Variants in ANO3 observed in about 807,000 individuals in gnomAD.
ANO3 encodes the protein anoctamin 3.
A neutral mutation model predicts 144.8 loss-of-function variants in ANO3; 99 were observed. The ratio of observed to expected loss-of-function variants is 0.68; its 90% CI spans 0.58 to 0.81. The LOEUF (loss-of-function observed/expected upper bound fraction) is 0.81. Ranked by LOEUF, ANO3 falls within the 30% of genes least tolerant of loss-of-function variation. The pLI is 0.00. For missense variants in ANO3, 905 were observed against 1,202.2 expected (o/e 0.75, Z 3.66); for synonymous variants, 414 against 392.6 (o/e 1.05, Z -0.64).
chr11:26,360,954 G>T (rs1564982323), intron 1 of ANO3, among the ~76,000 whole-genome samples: 1 of 152,122 alleles, frequency 6.6e-6, no homozygotes, highest in Non-Finnish European at 1.5e-5. Context: ...TTTTGAATTG[G>T]TTCTAGTTGC....
chr11:26,369,947 C>T (rs1157482878), intron 1 of ANO3, among the ~76,000 whole-genome samples: 5 of 152,170 alleles, frequency 3.3e-5, no homozygotes, highest in African/African-American at 1.2e-4. Context: ...AGCAGGTGAA[C>T]ATTCTTTTCC....
Position 26,598,999 on chromosome 11 carries a change from G to T in ANO3, c.1671+1G>T. 1 of 1,613,604 alleles carries T rather than the reference G, an allele frequency of 6.2e-7. No homozygotes were observed. The highest frequency in any genetic ancestry group is 8.5e-7 in the Non-Finnish European group (1 of 1,179,824). The stretch of plus-strand genomic sequence containing the variant: ...TTCTGTCTCAGGAATATTCTTCATG[G>T]TAAAGTATAGGCATCGATATCAAAA... On this transcript the variant is annotated splice_donor_variant, in intron 16 of 26. Transcript: ENST00000256737. LOFTEE classifies it high-confidence loss of function.
chr11:26,404,106 T>C (rs1857216531), intron 1 of ANO3, among the ~76,000 whole-genome samples: 1 of 151,842 alleles, frequency 6.6e-6, no homozygotes, highest in Admixed American at 6.6e-5. Flanking sequence ...GTGAACTACA[T>C]GAAGGAGGGA....
intron 5 of ANO3, among the ~76,000 whole-genome samples, chr11:26,510,330 C>T (rs1861615398): frequency 6.6e-6 from 1 of 152,046 alleles, no homozygotes. Flanking sequence ...TTAGTTGTCT[C>T]TTTATTATTC....
At chr11:26,530,559 A>G (rs1223242514) in intron 7 of ANO3, among the ~76,000 whole-genome samples, 1 of 151,374 alleles carries the variant, frequency 6.6e-6, no homozygotes, top group African/African-American at 2.4e-5. Flanking sequence ...TGCGCTTAAA[A>G]AAAAAAAAAC....
chr11:26,480,834 T>A (rs947883698), intron 4 of ANO3, among the ~76,000 whole-genome samples: 4 of 151,704 alleles, frequency 2.6e-5, no homozygotes, highest in Non-Finnish European at 5.9e-5. Flanking sequence ...AATAAATAAA[T>A]AAATAAAATA....
intron 6 of ANO3, among the ~76,000 whole-genome samples, chr11:26,519,683 T>C (rs760202547): frequency 2.0e-5 from 3 of 152,308 alleles, no homozygotes; most frequent in Middle Eastern, 3.4e-3. Flanking sequence ...TCCACTCTTA[T>C]GACCTAAATA....
intron 4 of ANO3, among the ~76,000 whole-genome samples, chr11:26,499,551 C>T (rs1354692879): frequency 1.3e-5 from 2 of 151,416 alleles, no homozygotes; most frequent in African/African-American, 4.8e-5. Context: ...GAGTAGTCCA[C>T]TATATCCATG....
At chr11:26,332,661 G>T (rs1855086400) in intron 1 of ANO3, among the ~76,000 whole-genome samples, 1 of 152,032 alleles carries the variant, frequency 6.6e-6, no homozygotes, top group African/African-American at 2.4e-5. Context: ...GGACAGAAAT[G>T]TTCAACAATA....
intron 1 of ANO3, among the ~76,000 whole-genome samples, chr11:26,345,787 A>G (rs1433965869): frequency 1.3e-5 from 2 of 152,216 alleles, no homozygotes; most frequent in East Asian, 3.8e-4. Context: ...TGTGCCAATC[A>G]TCACTGTGTG....
intron 1 of ANO3, among the ~76,000 whole-genome samples, chr11:26,398,265 C>A (rs1857066809): frequency 6.6e-6 from 1 of 151,892 alleles, no homozygotes; most frequent in African/African-American, 2.4e-5. Context: ...TTGAAAGCAA[C>A]CTATAGTGAG....
At chr11:26,215,505 T>C (rs942620486) in intron 1 of ANO3, among the ~76,000 whole-genome samples, 6 of 152,048 alleles carry the variant, frequency 3.9e-5, no homozygotes, top group Admixed American at 6.6e-5. Context: ...AAACAAAATA[T>C]TGGAGGCTCA....
At chr11:26,624,370 C>A in intron 17 of ANO3, 92 bp from the exon 18 acceptor site, 1 of 861,958 alleles carries the variant, frequency 1.2e-6, no homozygotes, top group Non-Finnish European at 1.9e-6. Context: ...CACTGTATAA[C>A]ATACATTATA....
At chr11:26,534,824 C>G (rs990144418) in intron 9 of ANO3, among the ~76,000 whole-genome samples, 1 of 151,980 alleles carries the variant, frequency 6.6e-6, no homozygotes, top group South Asian at 2.1e-4. Context: ...GAAATTTATC[C>G]CCCTCAAATA....
intron 1 of ANO3, among the ~76,000 whole-genome samples, chr11:26,427,954 AC>A (rs1382366259): frequency 6.6e-6 from 1 of 151,954 alleles, no homozygotes; most frequent in Non-Finnish European, 1.5e-5. Flanking sequence ...GGAGGTAACC[AC>A]CCCCATGATT....
At chr11:26,608,991 G>A (rs1247880467) in intron 17 of ANO3, among the ~76,000 whole-genome samples, 1 of 152,206 alleles carries the variant, frequency 6.6e-6, no homozygotes, top group African/African-American at 2.4e-5. Flanking sequence ...AACTCAACGG[G>A]CTTAAGCAGA....
chr11:26,352,670 C>T (rs1258132768), intron 1 of ANO3, among the ~76,000 whole-genome samples: 2 of 152,074 alleles, frequency 1.3e-5, no homozygotes, highest in Admixed American at 6.6e-5. Context: ...TTTTATGCTA[C>T]GTAGATTGTA....
Position 26,258,160 on chromosome 11 carries a change from C to G in ANO3, c.155-51485C>G, listed in dbSNP as rs554639740. On this transcript the variant is annotated intron_variant, in intron 1 of 27. Coordinates refer to the ANO3 transcript ENST00000672621. The stretch of plus-strand genomic sequence containing the variant: ...TAAAATTGAGGTATTCTCATTCTTA[C>G]AAGAGTAAGTATGTATTAACTAACA... Among the ~76,000 whole-genome samples the G allele has an allele frequency of 4.3e-3, 656 of 152,202 alleles. 4 individuals are homozygous for G. Among genetic ancestry groups the G allele is most frequent in the African/African-American group, 0.015 (626 of 41,534 alleles).
At chr11:26,576,696 A>G (rs1232128377) in intron 14 of ANO3, among the ~76,000 whole-genome samples, 2 of 152,114 alleles carry the variant, frequency 1.3e-5, no homozygotes, top group African/African-American at 4.8e-5. Context: ...AACATACTGT[A>G]TATCTTATTT....
Sources: allele counts gnomAD v4.1 joint callset (sites outside exome capture counted in the v4.1 genomes callset), GRCh38; gene constraint gnomAD v4.1.1; transcripts MANE v1.5; gene names NCBI Gene and HGNC (gene_info 2026-07-23, HGNC 2026-07-21).